Variants in MEI4 observed in about 807,000 individuals in gnomAD.
The protein encoded by MEI4 is meiotic double-stranded break formation protein 4.
Under a neutral mutation model 31.4 loss-of-function variants are expected in MEI4, and 27 were observed. The ratio of observed to expected loss-of-function variants is 0.86; its 90% CI spans 0.63 to 1.19. The LOEUF (loss-of-function observed/expected upper bound fraction) is 1.19. Among genes scored for constraint, MEI4 ranks in the 50% most tolerant of loss-of-function variants. The pLI is 0.00. For synonymous variants in MEI4, 122 were observed against 145.4 expected, an observed-to-expected ratio of 0.84 and a Z score of 1.16; for missense variants, 329 against 398.9, an observed-to-expected ratio of 0.82 and a Z score of 1.49.
intron 2 of MEI4, among the ~76,000 whole-genome samples, chr6:77,735,136 A>G (rs1767148234): frequency 6.6e-6 from 1 of 151,864 alleles, no homozygotes; most frequent in South Asian, 2.1e-4. Context: ...CTCGAGGAGT[A>G]TCTTTGTGAC....
intron 4 of MEI4, among the ~76,000 whole-genome samples, chr6:77,883,733 T>TACATATACATATATATATAC (rs1261836375): frequency 1.5e-4 from 21 of 140,836 alleles, no homozygotes; most frequent in Admixed American, 4.3e-4. Context: ...TATATATATA[T>TACATATACATATATATATAC]ATATATATAT....
At chr6:77,756,624 CCTCTCT>C (rs149549601) in intron 2 of MEI4, among the ~76,000 whole-genome samples, 1 of 145,890 alleles carries the variant, frequency 6.9e-6, no homozygotes, top group South Asian at 2.2e-4. Flanking sequence ...TCTCTCTCTC[CCTCTCT>C]CTCTCTCTCT....
chr6:77,849,056 A>T (rs1339872895), intron 4 of MEI4, among the ~76,000 whole-genome samples: 1 of 152,098 alleles, frequency 6.6e-6, no homozygotes, highest in Non-Finnish European at 1.5e-5. Flanking sequence ...GGTTTTTTTA[A>T]TGGCATCATT....
At chr6:77,869,316 C>CA (rs1771138780) in intron 4 of MEI4, among the ~76,000 whole-genome samples, 1 of 152,108 alleles carries the variant, frequency 6.6e-6, no homozygotes, top group Admixed American at 6.6e-5. Flanking sequence ...CTCACATATT[C>CA]ATATGTCGAA....
chr6:77,817,868 A>G (rs146278920), intron 3 of MEI4, among the ~76,000 whole-genome samples: 97 of 152,118 alleles, frequency 6.4e-4, no homozygotes, highest in African/African-American at 1.6e-3. Flanking sequence ...GGCCTCTCAT[A>G]TTTTACATCC....
chr6:77,751,607 A>C (rs1489778135), intron 2 of MEI4, among the ~76,000 whole-genome samples: 1 of 152,170 alleles, frequency 6.6e-6, no homozygotes, highest in African/African-American at 2.4e-5. Flanking sequence ...CAAGTTCTGA[A>C]ATTGAGGCAG....
chr6:77,745,533 A>G (rs1332612280), intron 2 of MEI4, among the ~76,000 whole-genome samples: 1 of 152,192 alleles, frequency 6.6e-6, no homozygotes, highest in African/African-American at 2.4e-5. Context: ...AGACTTTAAT[A>G]CCCCACTGTC....
chr6:77,794,354 G>A (rs535587465), intron 3 of MEI4, among the ~76,000 whole-genome samples: 13 of 152,276 alleles, frequency 8.5e-5, no homozygotes, highest in Non-Finnish European at 1.5e-4. Context: ...ACGAGGTCAG[G>A]AGATCGAGAC....
intron 4 of MEI4, among the ~76,000 whole-genome samples, chr6:77,880,752 G>A (rs955414480): frequency 1.2e-4 from 19 of 152,056 alleles, no homozygotes; most frequent in Admixed American, 5.2e-4. Context: ...GAATGTAAAT[G>A]ACTCTTTGAA....
chr6:77,796,610 T>G (rs1234951954), intron 3 of MEI4, among the ~76,000 whole-genome samples: 4 of 152,208 alleles, frequency 2.6e-5, no homozygotes, highest in African/African-American at 9.6e-5. Context: ...CAATCCCATT[T>G]ATAATAGCAT....
In MEI4 at chr6:77,748,271, G is replaced by T. The variant is rs989675330; in HGVS notation, c.233-12859G>T. Among the ~76,000 whole-genome samples the T allele has an allele frequency of 2.6e-5, 4 of 152,224 alleles. No homozygotes were observed. In the East Asian group the frequency reaches 7.7e-4, roughly 29 times the overall value. ...GGCTCTCCATGAGGCCTCTCCCCCT[G>T]CAGCAGACTTCTGCCTGGACATCCA... On this transcript the variant is annotated intron_variant, in intron 2 of 4. Coordinates refer to ENST00000684080, the MANE Select transcript of MEI4 (RefSeq NM_001322247.2).
intron 2 of MEI4, among the ~76,000 whole-genome samples, chr6:77,737,038 A>C (rs1767261915): frequency 6.6e-6 from 1 of 152,164 alleles, no homozygotes; most frequent in Non-Finnish European, 1.5e-5. Flanking sequence ...TCTAGAAAAT[A>C]AGATGACAAA....
intron 3 of MEI4, among the ~76,000 whole-genome samples, chr6:77,827,188 G>A (rs368141679): frequency 6.6e-6 from 1 of 151,666 alleles, no homozygotes; most frequent in African/African-American, 2.4e-5. Context: ...GTGAAACCCT[G>A]TCTCTACTAA....
intron 4 of MEI4, among the ~76,000 whole-genome samples, chr6:77,884,479 A>AC (rs1771574754): frequency 1.3e-5 from 2 of 152,296 alleles, no homozygotes; most frequent in Non-Finnish European, 2.9e-5. Context: ...GTAGTTCTGT[A>AC]ATTTGGGCTC....
chr6:77,727,229 G>A (rs150903737), intron 2 of MEI4, among the ~76,000 whole-genome samples: 1 of 152,276 alleles, frequency 6.6e-6, no homozygotes, highest in East Asian at 1.9e-4. Flanking sequence ...TGGGGGAAAA[G>A]GAGGTAAATG....
intron 3 of MEI4, among the ~76,000 whole-genome samples, chr6:77,790,713 G>A (rs769784214): frequency 4.1e-4 from 62 of 152,100 alleles, no homozygotes; most frequent in Admixed American, 5.9e-4. Context: ...TGTGAAAAGT[G>A]AAGGATAAAG....
chr6:77,780,214 C>T (rs2127690365), intron 3 of MEI4, among the ~76,000 whole-genome samples: 1 of 152,214 alleles, frequency 6.6e-6, no homozygotes, highest in Admixed American at 6.5e-5. Context: ...GCGGCCTAAT[C>T]CTCTTACCTT....
At chr6:77,786,738 G>T (rs892015797) in intron 3 of MEI4, among the ~76,000 whole-genome samples, 2 of 152,104 alleles carry the variant, frequency 1.3e-5, no homozygotes, top group African/African-American at 2.4e-5. Context: ...CAAATTTAAA[G>T]CTTCTTTATG....
At chr6:77,869,106 G>C (rs968717072) in intron 4 of MEI4, among the ~76,000 whole-genome samples, 5 of 152,100 alleles carry the variant, frequency 3.3e-5, no homozygotes, top group African/African-American at 1.2e-4. Context: ...TAGGTGATGG[G>C]AATATTGCAG....
Sources: allele counts gnomAD v4.1 joint callset (sites outside exome capture counted in the v4.1 genomes callset), GRCh38; gene constraint gnomAD v4.1.1; transcripts MANE v1.5; gene names NCBI Gene and HGNC (gene_info 2026-07-23, HGNC 2026-07-21).